VPS53: variants seen among roughly 807,000 people sequenced by gnomAD.
The protein encoded by VPS53 is VPS53 subunit of GARP complex.
A neutral mutation model predicts 107.0 loss-of-function variants in VPS53; 70 were observed. The observed-to-expected ratio is 0.65, with a 90% confidence interval of 0.54 to 0.80. The LOEUF (loss-of-function observed/expected upper bound fraction) is 0.80. VPS53 is among the 30% of genes least tolerant of loss of function. The probability of loss-of-function intolerance (pLI) is 0.00; values close to 1 mark genes in which losing one functional copy is unlikely to be tolerated. For synonymous variants in VPS53, 409 were observed against 393.3 expected (o/e 1.04, Z -0.47); for missense variants, 917 against 1,049.4 (o/e 0.87, Z 1.74).
intron 11 of VPS53, 44 bp downstream of exon 11, chr17:623,486 ACCC>A: frequency 6.3e-7 from 1 of 1,581,248 alleles, no homozygotes; most frequent in Non-Finnish European, 8.6e-7. Flanking sequence ...AATCCCAACC[ACCC>A]AACCCACTGA....
At chr17:625,458 G>A (rs577201078) in intron 10 of VPS53, among the ~76,000 whole-genome samples, 4 of 145,158 alleles carry the variant, frequency 2.8e-5, no homozygotes, top group African/African-American at 1.0e-4. Flanking sequence ...GGGCAACACT[G>A]CGAGACCCCC....
chr17:580,978 C>T (rs1197001916), intron 13 of VPS53, among the ~76,000 whole-genome samples: 1 of 151,976 alleles, frequency 6.6e-6, no homozygotes, highest in East Asian at 1.9e-4. Context: ...AATGCGTTCC[C>T]AGATAACCTC....
At chr17:577,528 G>A (rs1159120256) in intron 13 of VPS53, among the ~76,000 whole-genome samples, 2 of 150,502 alleles carry the variant, frequency 1.3e-5, no homozygotes, top group African/African-American at 2.4e-5. Flanking sequence ...AACCTAATGC[G>A]TTCCCAGAGA....
chr17:598,663 G>A (rs1418380499), intron 12 of VPS53, among the ~76,000 whole-genome samples: 1 of 144,738 alleles, frequency 6.9e-6, no homozygotes, highest in Non-Finnish European at 1.5e-5. Flanking sequence ...ACCCGGTCTG[G>A]GAGGTGAGGA....
At chr17:578,405 G>C (rs190898709) in intron 13 of VPS53, among the ~76,000 whole-genome samples, 22 of 150,804 alleles carry the variant, frequency 1.5e-4, no homozygotes, top group Admixed American at 1.4e-3. Context: ...TGCGTTTCCA[G>C]AGAAGCTCCC....
chr17:652,509 C>T (rs1440829727), intron 7 of VPS53, among the ~76,000 whole-genome samples: 1 of 152,094 alleles, frequency 6.6e-6, no homozygotes, highest in Admixed American at 6.6e-5. Context: ...TGGAACCAGC[C>T]ACCTTACCGT....
At chr17:655,753 G>T in intron 6 of VPS53, 85 bp downstream of exon 6, 1 of 1,259,676 alleles carries the variant, frequency 7.9e-7, no homozygotes, top group Non-Finnish European at 1.1e-6. Flanking sequence ...GACTTTCCTG[G>T]CTGAGAAGTA....
Position 516,139 on chromosome 17 carries a change from A to G in VPS53, c.*2989T>C, listed in dbSNP as rs1908295118. 1 of 151,928 alleles carries G rather than the reference A, an allele frequency of 6.6e-6. No individual in the cohort carries two copies. Among genetic ancestry groups the G allele is most frequent in the African/African-American group, 2.4e-5 (1 of 41,332 alleles). The allele number at this position is 151,928 out of a possible 1,614,324, so 9.4% of individuals were successfully genotyped here. The stretch of plus-strand genomic sequence containing the variant: ...TTAAAATGAAAGCTGTTATCAGTAG[A>G]GAATCTTCACCACGTTGGCACCAGC... On this transcript the variant is annotated 3_prime_UTR_variant, in exon 22 of 22. Coordinates refer to ENST00000437048, the MANE Select transcript of VPS53 (RefSeq NM_001128159.3).
At chr17:548,563 C>T (rs1174546028) in intron 17 of VPS53, among the ~76,000 whole-genome samples, 1 of 118,892 alleles carries the variant, frequency 8.4e-6, no homozygotes, top group Non-Finnish European at 1.8e-5. Flanking sequence ...CTTTGGCCAG[C>T]CAACAGTCCT....
chr17:671,341 AAG>A (rs1344441726), intron 4 of VPS53, among the ~76,000 whole-genome samples: 2 of 150,772 alleles, frequency 1.3e-5, no homozygotes, highest in Non-Finnish European at 3.0e-5. Flanking sequence ...ACAGGAAAGA[AAG>A]AGGAAAGAAA....
rs377280066 is a variant in VPS53, at chr17:623,641, C to T, written c.1008G>A (p.Ala336=). The change falls in exon 11 of 22, where the codon GCG becomes GCA. Residue 336 remains alanine (A), a synonymous_variant. Transcript: ENST00000437048. ...AELAKIMRTR[A]KEIEVKLLLF... ...GAAGCAATTTCACTTCAATTTCCTT[C>T]GCTCTGGTACGCATAATCTTGGCAA... 1.5e-5 allele frequency: 25 copies of T among 1,613,632 alleles called. No individual in the cohort carries two copies. The highest frequency in any genetic ancestry group is 5.5e-5 in the South Asian group (5 of 91,058).
chr17:573,729 C>A (rs1344633850), intron 13 of VPS53, among the ~76,000 whole-genome samples: 1 of 152,176 alleles, frequency 6.6e-6, no homozygotes, highest in Non-Finnish European at 1.5e-5. Flanking sequence ...GCTCAAGGTC[C>A]CAGCCTAGCA....
At chr17:694,371 C>T (rs1258687310) in intron 4 of VPS53, among the ~76,000 whole-genome samples, 1 of 152,110 alleles carries the variant, frequency 6.6e-6, no homozygotes. Flanking sequence ...TCTGTAATAC[C>T]GCTAGTTTGC....
chr17:617,554 A>C (rs1259437425), intron 11 of VPS53, among the ~76,000 whole-genome samples: 1 of 152,032 alleles, frequency 6.6e-6, no homozygotes, highest in African/African-American at 2.4e-5. Context: ...GGCGTGCGCC[A>C]CCACGCCCCA....
chr17:583,936 A>G (rs1049067766), intron 13 of VPS53, among the ~76,000 whole-genome samples: 2 of 151,662 alleles, frequency 1.3e-5, no homozygotes, highest in African/African-American at 4.8e-5. Context: ...CAGAACCTCA[A>G]TGCATTCCCA....
At chr17:643,810 G>A (rs1468290444) in intron 7 of VPS53, among the ~76,000 whole-genome samples, 5 of 152,192 alleles carry the variant, frequency 3.3e-5, no homozygotes, top group African/African-American at 1.2e-4. Context: ...TGGCAACTGA[G>A]GACAACACTC....
At chr17:703,773 A>G (rs1370024323) in intron 2 of VPS53, among the ~76,000 whole-genome samples, 2 of 152,126 alleles carry the variant, frequency 1.3e-5, no homozygotes, top group Non-Finnish European at 2.9e-5. Context: ...CTGTACAAAA[A>G]TAAACTGGGA....
rs1326602105 is a variant in VPS53 at position 714,711 on chromosome 17, C to A, written c.-2G>T. On this transcript the variant is annotated 5_prime_UTR_variant, in exon 1 of 22. Coordinates refer to ENST00000437048, the MANE Select transcript of VPS53 (RefSeq NM_001128159.3). ...CTCCAGTTCCTCCTCCTCCATCATT[C>A]CGCCACCCGGCCCCCTGCCGACCCC... The A allele has an allele frequency of 6.2e-7, 1 of 1,613,552 alleles. No individual in the cohort carries two copies.
At chr17:560,393 G>C (rs776629842) in intron 15 of VPS53, 33 bp downstream of exon 15, 2 of 1,598,774 alleles carry the variant, frequency 1.3e-6, no homozygotes, top group Admixed American at 3.4e-5. Flanking sequence ...TTCAGGAAAA[G>C]GAGGTGGTGA....
Sources: gnomAD v4.1 joint callset for allele counts (sites outside exome capture counted in the v4.1 genomes callset) on GRCh38, gnomAD v4.1.1 for gene constraint, MANE v1.5 for transcripts, NCBI Gene and HGNC (gene_info 2026-07-23, HGNC 2026-07-21) for gene names.